Variants in EFCAB13 observed in about 807,000 individuals in gnomAD.
EFCAB13 encodes EF-hand calcium-binding domain-containing protein 13.
Under a neutral mutation model 110.2 loss-of-function variants are expected in EFCAB13, and 91 were observed. That is an observed-to-expected ratio of 0.83 (90% CI 0.70 to 0.98). The LOEUF is 0.98. Among genes scored for constraint, EFCAB13 ranks in the 50% least tolerant of loss-of-function variants. The probability of loss-of-function intolerance (pLI) is 0.00; values close to 1 mark genes in which losing one functional copy is unlikely to be tolerated. For missense variants in EFCAB13, 968 were observed against 1,119.4 expected (o/e 0.86, Z 1.93); for synonymous variants, 323 against 369.9 (o/e 0.87, Z 1.45).
Position 47,334,310 on chromosome 17 carries a change from T to C in EFCAB13, c.31-886T>C, listed in dbSNP as rs766040459. Among the ~76,000 whole-genome samples the C allele has an allele frequency of 2.0e-5, 3 of 152,190 alleles. No homozygotes were observed. In the South Asian group the frequency reaches 6.2e-4, roughly 32 times the overall value. ...TCTTTAGCTCATTTTAAAATTGAGT[T>C]CTTTTTTATTATGTTTTAAGAGTTC... On this transcript the variant is annotated intron_variant, in intron 4 of 24. Coordinates refer to ENST00000331493, the MANE Select transcript of EFCAB13 (RefSeq NM_152347.5).
chr17:47,327,775 G>T (rs2065295439), intron 3 of EFCAB13, among the ~76,000 whole-genome samples: 1 of 152,164 alleles, frequency 6.6e-6, no homozygotes, highest in South Asian at 2.1e-4. Flanking sequence ...TTTGTTTGCA[G>T]TAGCATTGTT....
At chr17:47,407,856 C>T (rs979640480) in intron 20 of EFCAB13, among the ~76,000 whole-genome samples, 1 of 152,100 alleles carries the variant, frequency 6.6e-6, no homozygotes, top group Non-Finnish European at 1.5e-5. Context: ...GGATTTCAAA[C>T]TATTTTACCA....
At chr17:47,349,391 A>G (rs1352876241) in intron 9 of EFCAB13, among the ~76,000 whole-genome samples, 1 of 152,224 alleles carries the variant, frequency 6.6e-6, no homozygotes, top group Non-Finnish European at 1.5e-5. Context: ...AGAATCTTGA[A>G]GAACTACAAA....
Position 47,374,843 on chromosome 17 carries a change from A to G in EFCAB13, c.1249A>G (p.Ser417Gly). 6.2e-7 allele frequency: 1 copy of G among 1,613,916 alleles called. No individual in the cohort carries two copies. The highest frequency in any genetic ancestry group is 8.5e-7 in the Non-Finnish European group (1 of 1,179,934). The part of the protein sequence containing the change: ...PQSLKSSTSL[S>G]KSLDKSDISS... ...AAGCTTGAAGAGTAGTACAAGCCTCAGTAAGTCTCTGGATAAAAGTGATAT... is the reference window on the plus strand; with the variant it reads ...AAGCTTGAAGAGTAGTACAAGCCTCGGTAAGTCTCTGGATAAAAGTGATAT... The change falls in exon 12 of 25, where the codon AGT becomes GGT. Residue 417 changes from serine (S) to glycine (G), a missense_variant. Transcript: ENST00000331493.
At chr17:47,346,437 C>CCG (rs1196378865) in intron 8 of EFCAB13, among the ~76,000 whole-genome samples, 1 of 131,224 alleles carries the variant, frequency 7.6e-6, no homozygotes, top group Non-Finnish European at 1.6e-5. Flanking sequence ...TACTTTACCC[C>CCG]CCCCCCCATT....
chr17:47,375,233 TGTACA>T (rs1432829448), intron 12 of EFCAB13, among the ~76,000 whole-genome samples: 1 of 152,134 alleles, frequency 6.6e-6, no homozygotes, highest in Non-Finnish European at 1.5e-5. Context: ...ATTCTGGAAA[TGTACA>T]GTAGTGATGG....
Position 47,429,883 on chromosome 17 carries a change from A to G in EFCAB13, c.2560A>G (p.Lys854Glu), listed in dbSNP as rs368074976. 100 of 1,613,000 alleles carry G rather than the reference A, an allele frequency of 6.2e-5. No homozygotes were observed. Among genetic ancestry groups the G allele is most frequent in the Non-Finnish European group, 8.1e-5 (95 of 1,179,326 alleles). ...TGATCTAGTTGATGTCTCTGACCTC[A>G]AGACATTATTGATGGACAAGGACCT... ...QNDLVDVSDL[K>E]TLLMDKDLHT... The change falls in exon 24 of 25, where the codon AAG becomes GAG. Residue 854 changes from lysine (K) to glutamate (E), a missense_variant. Lys to Glu is a moderately conservative substitution (Grantham distance 56, BLOSUM62 1). Transcript: ENST00000331493.
At chr17:47,365,577 G>A (rs1486131056) in intron 10 of EFCAB13, among the ~76,000 whole-genome samples, 1 of 152,150 alleles carries the variant, frequency 6.6e-6, no homozygotes, top group Non-Finnish European at 1.5e-5. Flanking sequence ...TGAGGATAGA[G>A]TAACCATAGA....
intron 14 of EFCAB13, among the ~76,000 whole-genome samples, chr17:47,382,413 G>C (rs1362249749): frequency 6.6e-6 from 1 of 152,190 alleles, no homozygotes; most frequent in African/African-American, 2.4e-5. Context: ...AGTGGTGAGA[G>C]AGGGCATCCT....
chr17:47,351,327 G>A (rs72825652), intron 9 of EFCAB13, among the ~76,000 whole-genome samples: 5,028 of 149,946 alleles, frequency 0.034, 123 homozygotes, highest in Non-Finnish European at 0.051. Context: ...GCGCGCGCGC[G>A]CCACGTTTTC....
intron 5 of EFCAB13, among the ~76,000 whole-genome samples, chr17:47,337,819 G>A (rs887088775): frequency 6.6e-5 from 10 of 152,182 alleles, no homozygotes; most frequent in African/African-American, 2.4e-4. Flanking sequence ...ACATTGATTA[G>A]TGATTGGCTA....
At chr17:47,440,397 CTTTCT>C (rs1383655989) in intron 24 of EFCAB13, 29 bp from the exon 25 acceptor site, 2 of 1,511,616 alleles carry the variant, frequency 1.3e-6, no homozygotes, top group African/African-American at 1.4e-5. Context: ...AACAATAATT[CTTTCT>C]TTTAAGTAAA....
chr17:47,402,963 G>C (rs141336041), intron 18 of EFCAB13, among the ~76,000 whole-genome samples: 268 of 152,324 alleles, frequency 1.8e-3, no homozygotes, highest in African/African-American at 6.1e-3. Flanking sequence ...GGGAGGATGA[G>C]CAGACTCTAC....
intron 14 of EFCAB13, among the ~76,000 whole-genome samples, chr17:47,385,144 A>T (rs560972045): frequency 2.6e-5 from 4 of 152,104 alleles, no homozygotes; most frequent in Non-Finnish European, 5.9e-5. Context: ...CTCAAGGAGT[A>T]TCTTAGTGGT....
intron 4 of EFCAB13, among the ~76,000 whole-genome samples, chr17:47,334,481 C>A (rs2065337700): frequency 6.6e-6 from 1 of 152,152 alleles, no homozygotes; most frequent in Admixed American, 6.5e-5. Flanking sequence ...TCGATTATTT[C>A]TTTCATGGAT....
intron 23 of EFCAB13, among the ~76,000 whole-genome samples, chr17:47,416,934 G>C (rs1022283862): frequency 1.3e-5 from 2 of 152,114 alleles, no homozygotes; most frequent in African/African-American, 4.8e-5. Flanking sequence ...TGCTTCAAGA[G>C]ACTGGCTGGA....
At chr17:47,339,603 T>C (rs1222162400) in intron 5 of EFCAB13, among the ~76,000 whole-genome samples, 1 of 151,790 alleles carries the variant, frequency 6.6e-6, no homozygotes, top group African/African-American at 2.4e-5. Flanking sequence ...GGGCCAGAGT[T>C]TGGGGACCCC....
At chr17:47,325,955 TATATATAGC>T (rs2065283117) in intron 2 of EFCAB13, among the ~76,000 whole-genome samples, 11 of 117,666 alleles carry the variant, frequency 9.3e-5, no homozygotes, top group Admixed American at 6.1e-4. Flanking sequence ...TATATATATA[TATATATAGC>T]ATATATATAT....
intron 9 of EFCAB13, among the ~76,000 whole-genome samples, chr17:47,350,533 T>G (rs16941908): frequency 0.052 from 7,977 of 152,194 alleles, 402 homozygotes; most frequent in East Asian, 0.23. Flanking sequence ...ACATACTCGT[T>G]AGTCATAAAT....
Sources: gnomAD v4.1 joint callset for allele counts (sites outside exome capture counted in the v4.1 genomes callset) on GRCh38, gnomAD v4.1.1 for gene constraint, MANE v1.5 for transcripts, NCBI Gene and HGNC (gene_info 2026-07-23, HGNC 2026-07-21) for gene names.